The following RNF6 variants were observed in gnomAD, a reference collection of about 807,000 sequenced individuals.
RNF6 encodes E3 ubiquitin-protein ligase RNF6.
In RNF6, 21 loss-of-function variants were observed where a neutral mutation model predicts 50.1. The ratio of observed to expected loss-of-function variants is 0.42; its 90% confidence interval spans 0.30 to 0.60. The LOEUF (loss-of-function observed/expected upper bound fraction) is 0.60. Among genes scored for constraint, RNF6 ranks in the 20% least tolerant of loss-of-function variants. The pLI is 0.20. For synonymous variants in RNF6, 255 were observed against 291.8 expected (o/e 0.87, Z 1.29); for missense variants, 698 against 838.2 (o/e 0.83, Z 2.07).
intron 5 of RNF6, among the ~76,000 whole-genome samples, chr13:26,159,886 A>G (rs1872115926): frequency 6.6e-6 from 1 of 152,190 alleles, no homozygotes; most frequent in Non-Finnish European, 1.5e-5. Flanking sequence ...TTAAGGACTC[A>G]AAACACATTG....
intron 5 of RNF6, among the ~76,000 whole-genome samples, chr13:26,155,429 G>A (rs1871863687): frequency 6.6e-6 from 1 of 151,814 alleles, no homozygotes; most frequent in African/African-American, 2.4e-5. Flanking sequence ...AATCAAAACT[G>A]CACGCATCCC....
intron 5 of RNF6, among the ~76,000 whole-genome samples, chr13:26,133,374 T>G (rs1870489073): frequency 1.3e-5 from 2 of 152,322 alleles, no homozygotes; most frequent in South Asian, 4.1e-4. Flanking sequence ...ACAGTTTGTG[T>G]TTTTTGGCAA....
chr13:26,132,333 T>C, exon 6 of RNF6: 2 of 412,326 alleles, frequency 4.9e-6, no homozygotes, highest in South Asian at 3.6e-5. Context: ...ATTTTACCCC[T>C]TAGGCTCCAG....
chr13:26,153,186 G>T (rs1420400878), intron 5 of RNF6, among the ~76,000 whole-genome samples: 1 of 147,392 alleles, frequency 6.8e-6, no homozygotes, highest in Non-Finnish European at 1.5e-5. Flanking sequence ...GACTAAAGAT[G>T]TAAGATATTT....
At chr13:26,136,686 T>A (rs1870660816) in intron 5 of RNF6, among the ~76,000 whole-genome samples, 1 of 152,172 alleles carries the variant, frequency 6.6e-6, no homozygotes, top group South Asian at 2.1e-4. Context: ...TAAAACAATC[T>A]GTATTAATTT....
At chr13:26,175,191 T>C (rs1886454) in intron 5 of RNF6, among the ~76,000 whole-genome samples, 151,485 of 152,236 alleles carry the variant, frequency 1, 75,372 homozygotes, top group Middle Eastern at 1. Flanking sequence ...AGCAATTCTC[T>C]TGCCTCAGCC....
chr13:26,219,265 T>C, intron 3 of RNF6, 192 bp downstream of exon 3: 1 of 515,006 alleles, frequency 1.9e-6, no homozygotes, highest in Non-Finnish European at 3.4e-6. Flanking sequence ...ATGTCCCCTA[T>C]TTTCACCTTA....
At chr13:26,132,442 C>G (rs1487699794) in exon 6 of RNF6, 2 of 460,036 alleles carry the variant, frequency 4.3e-6, no homozygotes, top group Non-Finnish European at 8.8e-6. Context: ...CAGCTTGTAT[C>G]TGGCAAAGCC....
At chr13:26,189,188 T>C (rs1388292702) in intron 5 of RNF6, among the ~76,000 whole-genome samples, 1 of 151,846 alleles carries the variant, frequency 6.6e-6, no homozygotes, top group Non-Finnish European at 1.5e-5. Context: ...ATTAGCTGGG[T>C]GTGGTGGCGG....
At chr13:26,186,670 C>T (rs923157657) in intron 5 of RNF6, among the ~76,000 whole-genome samples, 1 of 152,258 alleles carries the variant, frequency 6.6e-6, no homozygotes, top group Non-Finnish European at 1.5e-5. Flanking sequence ...GCTATACCTT[C>T]GGCCACAGGT....
chr13:26,189,751 A>G (rs1868384357), intron 5 of RNF6, among the ~76,000 whole-genome samples: 3 of 152,200 alleles, frequency 2.0e-5, no homozygotes, highest in African/African-American at 2.4e-5. Flanking sequence ...CAGTCTGCTT[A>G]ATAAACCACT....
intron 5 of RNF6, among the ~76,000 whole-genome samples, chr13:26,168,953 T>C (rs956152327): frequency 3.3e-5 from 5 of 152,132 alleles, no homozygotes; most frequent in South Asian, 2.1e-4. Context: ...CAATGAGCCA[T>C]GATCATGCCA....
intron 5 of RNF6, among the ~76,000 whole-genome samples, chr13:26,142,632 A>G (rs1209805950): frequency 6.6e-6 from 1 of 150,912 alleles, no homozygotes; most frequent in Non-Finnish European, 1.5e-5. Flanking sequence ...CAGAAAACCT[A>G]ATATCACATG....
At chr13:26,180,317 T>A (rs1461570183) in intron 5 of RNF6, among the ~76,000 whole-genome samples, 1 of 152,126 alleles carries the variant, frequency 6.6e-6, no homozygotes, top group East Asian at 1.9e-4. Flanking sequence ...CCTACTAGGG[T>A]GTCTCAAGCA....
chr13:26,177,556 A>G (rs1873020423), intron 5 of RNF6, among the ~76,000 whole-genome samples: 1 of 152,158 alleles, frequency 6.6e-6, no homozygotes, highest in Non-Finnish European at 1.5e-5. Flanking sequence ...AACCATAACC[A>G]TGAGAGTGGC....
chr13:26,179,604 G>C (rs1873136802), intron 5 of RNF6, among the ~76,000 whole-genome samples: 1 of 152,132 alleles, frequency 6.6e-6, no homozygotes, highest in Admixed American at 6.6e-5. Context: ...ATTCTTATGA[G>C]AACTGTAAGT....
chr13:26,209,445 T>C (rs4100617), downstream of RNF6, among the ~76,000 whole-genome samples: 62,595 of 152,122 alleles, frequency 0.41, 14,524 homozygotes, highest in Middle Eastern at 0.52. Context: ...TGGCACTTCT[T>C]TCCCTGTTTT....
At chr13:26,144,394 A>G (rs1871125351) in intron 5 of RNF6, among the ~76,000 whole-genome samples, 1 of 119,684 alleles carries the variant, frequency 8.4e-6, no homozygotes. Flanking sequence ...TTTTTTTTTC[A>G]CTATTTCAGA....
At chr13:26,216,965 TAAAC>T (rs1280100955) in intron 4 of RNF6, among the ~76,000 whole-genome samples, 1 of 152,062 alleles carries the variant, frequency 6.6e-6, no homozygotes, top group East Asian at 1.9e-4. Flanking sequence ...AAAAAATAAA[TAAAC>T]AAATAAATAA....
Sources: allele counts gnomAD v4.1 joint callset (sites outside exome capture counted in the v4.1 genomes callset), GRCh38; gene constraint gnomAD v4.1.1; transcripts MANE v1.5; gene names NCBI Gene and HGNC (gene_info 2026-07-23, HGNC 2026-07-21).